BPIFB1: variants seen among roughly 807,000 people sequenced by gnomAD.
BPIFB1 encodes the protein BPI fold containing family B member 1.
Under a neutral mutation model 55.1 loss-of-function variants are expected in BPIFB1, and 34 were observed. The ratio of observed to expected loss-of-function variants is 0.62; its 90% confidence interval spans 0.47 to 0.82. The LOEUF (loss-of-function observed/expected upper bound fraction) is 0.82. Among genes scored for constraint, BPIFB1 ranks in the 40% least tolerant of loss-of-function variants. BPIFB1 has a pLI of 0.00. For synonymous variants in BPIFB1, 236 were observed against 245.3 expected, an observed-to-expected ratio of 0.96 and a Z score of 0.35; for missense variants, 532 against 593.1, an observed-to-expected ratio of 0.90 and a Z score of 1.07.
In BPIFB1 at chr20:33,291,385, C is replaced by CA. The variant is rs1344186650; in HGVS notation, c.515+280dup. Among the ~76,000 whole-genome samples the CA allele has an allele frequency of 3.9e-5, 6 of 152,304 alleles. No individual in the cohort carries two copies. In the East Asian group the frequency reaches 1.2e-3, roughly 29 times the overall value. On this transcript the variant is annotated intron_variant, in intron 5 of 15. Coordinates refer to ENST00000253354, the MANE Select transcript of BPIFB1 (RefSeq NM_033197.3). ...GAGGCCTAGAAACTCCTCCAAACAC[C>CA]AGGGCAGGTGTAGGTGGAGCCAGGG... is the stretch of plus-strand genomic sequence containing the variant.
intron 6 of BPIFB1, among the ~76,000 whole-genome samples, chr20:33,292,206 C>A (rs574853679): frequency 6.6e-6 from 1 of 152,272 alleles, no homozygotes; most frequent in South Asian, 2.1e-4. Flanking sequence ...GCCAGGAGCC[C>A]GTGAACAGTG....
chr20:33,305,949 G>A (rs1009727407), intron 13 of BPIFB1, 53 bp from the exon 14 acceptor site: 2 of 1,592,772 alleles, frequency 1.3e-6, no homozygotes, highest in Non-Finnish European at 8.6e-7. Flanking sequence ...GAATGATGGG[G>A]GGGAACTTCA....
chr20:33,295,728 GGGAA>G (rs1426246494), intron 6 of BPIFB1, among the ~76,000 whole-genome samples: 50 of 146,134 alleles, frequency 3.4e-4, no homozygotes, highest in African/African-American at 1.1e-3. Context: ...AAGAGAGAGA[GGGAA>G]GGAAGGAAGG....
In BPIFB1 at chr20:33,295,939, G is replaced by A. The variant is rs114259457; in HGVS notation, c.598-1586G>A. 8.2e-3 allele frequency among the ~76,000 whole-genome samples: 1,079 copies of A among 131,520 alleles called. 15 individuals carry two copies. The highest frequency in any genetic ancestry group is 0.029 in the African/African-American group (1,034 of 36,140). The allele number at this position is 131,520 out of a possible 152,430, so 86.3% of individuals were successfully genotyped here. On this transcript the variant is annotated intron_variant, in intron 6 of 15. Transcript: ENST00000253354. ...AAGGGAAAGGGAAGGAAGGAAGGACGGAAAAAGAGAGAGAGGGAGGGAGGG... is the reference window on the plus strand; with the variant it reads ...AAGGGAAAGGGAAGGAAGGAAGGACAGAAAAAGAGAGAGAGGGAGGGAGGG...
At position 33,302,967 on chromosome 20, in the gene BPIFB1, A is replaced by C; in HGVS notation, c.1033A>C (p.Thr345Pro). 1 of 1,613,874 alleles carries C rather than the reference A, an allele frequency of 6.2e-7. No individual in the cohort carries two copies. The highest frequency in any genetic ancestry group is 8.5e-7 in the Non-Finnish European group (1 of 1,179,950). ...GATCGTGAAGATCCTAACTCAGGAC[A>C]CTCCCGAGTTTTTTATAGACCAAGG... Reference protein sequence around the residue: ...TQIVKILTQDTPEFFIDQGHA... With the variant: ...TQIVKILTQDPPEFFIDQGHA... The change falls in exon 11 of 16, where the codon ACT (threonine) becomes CCT (proline). Residue 345 changes from threonine to proline, a missense_variant. By Grantham distance (38) the Thr-to-Pro change is conservative (BLOSUM62 -1). Transcript: ENST00000253354.
chr20:33,308,349 G>C (rs1981102235), intron 15 of BPIFB1, among the ~76,000 whole-genome samples: 1 of 152,176 alleles, frequency 6.6e-6, no homozygotes, highest in Non-Finnish European at 1.5e-5. Flanking sequence ...GGCAGGGATT[G>C]TTGGTGTTCC....
At position 33,299,977 on chromosome 20, in the gene BPIFB1, A is replaced by G. The variant is rs1406414974; in HGVS notation, c.740A>G (p.Tyr247Cys). The change falls in exon 8 of 16, where the codon TAC (tyrosine) becomes TGC (cysteine). Residue 247 changes from tyrosine (Y) to cysteine (C), a missense_variant. Transcript: ENST00000253354. ...ATCAAGGGTGACACCATTCAGCTCT[A>G]CCTGGGGGTGAGTGTCCCAGGACCT... ...PAIKGDTIQLYLGAKLLDSQG... is the reference protein window; with the variant it reads ...PAIKGDTIQLCLGAKLLDSQG... The G allele has an allele frequency of 6.2e-7, 1 of 1,613,786 alleles. No homozygotes were observed. Among genetic ancestry groups the G allele is most frequent in the Non-Finnish European group, 8.5e-7 (1 of 1,179,738 alleles).
chr20:33,286,025 C>T lies in BPIFB1; in HGVS notation c.-41-8C>T, dbSNP rs1980254646. 1.9e-6 allele frequency: 3 copies of T among 1,578,428 alleles called. No individual in the cohort carries two copies. The highest frequency in any genetic ancestry group is 2.6e-6 in the Non-Finnish European group (3 of 1,148,528). On this transcript the variant is annotated splice_region_variant and splice_polypyrimidine_tract_variant and intron_variant, in intron 1 of 15. Transcript: ENST00000253354. ...CCTCTGCCTCAGGTCCCTCTGTGCT[C>T]ACCCCAGGTCTGGCATCCTGCACTT... is the stretch of plus-strand genomic sequence containing the variant.
At chr20:33,294,594 T>C (rs1173427569) in intron 6 of BPIFB1, among the ~76,000 whole-genome samples, 1 of 152,212 alleles carries the variant, frequency 6.6e-6, no homozygotes, top group Non-Finnish European at 1.5e-5. Context: ...GGGAATTTCA[T>C]AAAGTAGGAC....
intron 7 of BPIFB1, chr20:33,299,039 T>C (rs1231689608): frequency 2.9e-6 from 1 of 343,056 alleles, no homozygotes; most frequent in South Asian, 2.2e-5. Context: ...ACAGGAGTCA[T>C]GCTCATCGTC....
chr20:33,303,143 C>T (rs2146534766), intron 11 of BPIFB1, 69 bp downstream of exon 11: 2 of 1,577,008 alleles, frequency 1.3e-6, no homozygotes, highest in East Asian at 4.5e-5. Context: ...CCTGTTCGCC[C>T]TCTTGCTTTG....
chr20:33,304,468 T>C (rs1353900770), intron 12 of BPIFB1, among the ~76,000 whole-genome samples: 1 of 152,174 alleles, frequency 6.6e-6, no homozygotes, highest in East Asian at 1.9e-4. Context: ...GGCTGTTTAA[T>C]ATAAATGAGT....
chr20:33,295,827 AGGAAGG>A (rs1327083825), intron 6 of BPIFB1, among the ~76,000 whole-genome samples: 26 of 137,968 alleles, frequency 1.9e-4, no homozygotes, highest in Middle Eastern at 3.6e-3. Context: ...GAAGGAAGGA[AGGAAGG>A]GGAAGGGGAA....
intron 4 of BPIFB1, 129 bp downstream of exon 4, chr20:33,290,121 C>T (rs753144801): frequency 1.4e-6 from 1 of 702,086 alleles, no homozygotes; most frequent in Non-Finnish European, 2.5e-6. Flanking sequence ...GTGCAGAGGC[C>T]CTGTGGCAGC....
chr20:33,287,603 C>T (rs1980310647), intron 2 of BPIFB1, among the ~76,000 whole-genome samples: 1 of 152,126 alleles, frequency 6.6e-6, no homozygotes, highest in African/African-American at 2.4e-5. Context: ...GGTTGAAGCC[C>T]ACTGTGTGGT....
rs1033559138 is a variant in BPIFB1 at position 33,304,739 on chromosome 20, G to A, written c.1209-107G>A. The A allele has an allele frequency of 7.0e-5, 93 of 1,335,214 alleles. No individual in the cohort carries two copies. In the Admixed American group the frequency reaches 8.3e-4, roughly 12 times the overall value. The allele number at this position is 1,335,214 out of a possible 1,614,324, so 82.7% of individuals were successfully genotyped here. ...GGCTTCATGTGGTTCACTGGAGCCCGCACTGTGCCTGGCACATAATAGGTG... is the reference window on the plus strand; with the variant it reads ...GGCTTCATGTGGTTCACTGGAGCCCACACTGTGCCTGGCACATAATAGGTG... On this transcript the variant is annotated intron_variant, in intron 12 of 15. Transcript: ENST00000253354.
At chr20:33,303,924 G>T (rs766917567) in intron 11 of BPIFB1, 34 bp from the exon 12 acceptor site, 2 of 1,611,754 alleles carry the variant, frequency 1.2e-6, no homozygotes, top group South Asian at 1.1e-5. Flanking sequence ...GGATCCTCTT[G>T]AGAACAATGG....
chr20:33,291,277 G>C (rs925645624), intron 5 of BPIFB1, among the ~76,000 whole-genome samples, 171 bp downstream of exon 5: 2 of 152,224 alleles, frequency 1.3e-5, no homozygotes, highest in Non-Finnish European at 2.9e-5. Context: ...TGATGCCAAG[G>C]GAAGTTCAGG....
chr20:33,292,296 T>A (rs1451832297), intron 6 of BPIFB1, among the ~76,000 whole-genome samples: 4 of 152,164 alleles, frequency 2.6e-5, no homozygotes, highest in Non-Finnish European at 5.9e-5. Flanking sequence ...TTTTGCGGAT[T>A]TCCCTGGTGG....
Sources: allele counts gnomAD v4.1 joint callset (sites outside exome capture counted in the v4.1 genomes callset), GRCh38; gene constraint gnomAD v4.1.1; transcripts MANE v1.5; gene names NCBI Gene and HGNC (gene_info 2026-07-23, HGNC 2026-07-21).